TERB1: variants seen among roughly 807,000 people sequenced by gnomAD.
TERB1 encodes the protein telomere repeats-binding bouquet formation protein 1.
Under a neutral mutation model 92.3 loss-of-function variants are expected in TERB1, and 63 were observed. The observed-to-expected ratio is 0.68, with a 90% confidence interval of 0.56 to 0.84. The LOEUF (loss-of-function observed/expected upper bound fraction) is 0.84. Ranked by LOEUF, TERB1 falls within the 40% of genes least tolerant of loss-of-function variation. TERB1 has a pLI of 0.00. For missense variants in TERB1, 709 were observed against 843.7 expected (o/e 0.84, Z 1.98); for synonymous variants, 252 against 283.9 (o/e 0.89, Z 1.13).
At chr16:66,770,403 G>T in intron 13 of TERB1, 94 bp from the exon 14 acceptor site, 1 of 836,306 alleles carries the variant, frequency 1.2e-6, no homozygotes, top group Non-Finnish European at 1.8e-6. Context: ...TGAAGAAAAA[G>T]TTTATGATTG....
intron 14 of TERB1, 27 bp from the exon 15 acceptor site, chr16:66,768,195 TA>T: frequency 1.3e-6 from 2 of 1,485,980 alleles, no homozygotes; most frequent in Non-Finnish European, 1.8e-6. Context: ...ACCAGATTAC[TA>T]AAAGTAAACA....
chr16:66,759,408 C>A, intron 16 of TERB1, 118 bp from the exon 17 acceptor site: 3 of 745,478 alleles, frequency 4.0e-6, no homozygotes, highest in Non-Finnish European at 6.3e-6. Context: ...ATAAACACCT[C>A]AAGAAGCTCA....
chr16:66,794,348 C>T (rs2018890342), intron 3 of TERB1, among the ~76,000 whole-genome samples: 1 of 152,146 alleles, frequency 6.6e-6, no homozygotes, highest in African/African-American at 2.4e-5. Context: ...CATCCTCCCA[C>T]CTCGGCCTCC....
At chr16:66,775,442 T>C (rs552476662) in intron 11 of TERB1, among the ~76,000 whole-genome samples, 199 bp from the exon 12 acceptor site, 2 of 152,168 alleles carry the variant, frequency 1.3e-5, no homozygotes, top group East Asian at 1.9e-4. Flanking sequence ...AAGACCAGCC[T>C]AGTCAACATG....
chr16:66,772,468 C>A (rs2018468180), intron 13 of TERB1, 121 bp downstream of exon 13: 1 of 905,908 alleles, frequency 1.1e-6, no homozygotes, highest in Non-Finnish European at 1.6e-6. Context: ...GGCAACAGAG[C>A]AAGACTCTGT....
intron 5 of TERB1, among the ~76,000 whole-genome samples, chr16:66,790,364 AG>A (rs2018810171): frequency 6.7e-6 from 1 of 149,452 alleles, no homozygotes; most frequent in African/African-American, 2.5e-5. Flanking sequence ...AGAGAGAGAA[AG>A]AAGAAAGGAA....
At chr16:66,783,521 C>A (rs1001737393) in intron 9 of TERB1, among the ~76,000 whole-genome samples, 1 of 152,166 alleles carries the variant, frequency 6.6e-6, no homozygotes, top group South Asian at 2.1e-4. Flanking sequence ...TATTAGCCAA[C>A]AGTTTCTCGT....
chr16:66,756,498 GA>G (rs1298984944), intron 18 of TERB1, among the ~76,000 whole-genome samples: 2 of 152,160 alleles, frequency 1.3e-5, no homozygotes, highest in Non-Finnish European at 2.9e-5. Flanking sequence ...TACTTGTTGA[GA>G]GAAAAAATTT....
Position 66,790,658 on chromosome 16 carries a change from T to C in TERB1, c.208A>G (p.Ser70Gly). ...LMFVKNLAKS[S>G]EHSMVKEAAL... ...GCTTCTTTTACCATGCTATGTTCAC[T>C]TGACTTTGCAAGATTTTTTACAAAC... Residue 70 changes from serine to glycine, a missense_variant, in exon 5 of 19, where the codon AGT (serine) becomes GGT (glycine). Coordinates refer to ENST00000433154, the MANE Select transcript of TERB1 (RefSeq NM_001136505.2). 1 of 1,551,094 alleles carries C rather than the reference T, an allele frequency of 6.4e-7. No individual in the cohort carries two copies. The highest frequency in any genetic ancestry group is 8.7e-7 in the Non-Finnish European group (1 of 1,146,598).
Position 66,770,092 on chromosome 16 carries a change from C to T in TERB1, c.1490G>A (p.Ser497Asn), listed in dbSNP as rs1454286056. The stretch of plus-strand genomic sequence containing the variant: ...GTAACAAGCATGGACTGGATTTGCG[C>T]TCTTTAACGGTGTCTTCATTTGGTC... ...NDDQMKTPLKSANPVHACYRE... is the reference protein window; with the variant it reads ...NDDQMKTPLKNANPVHACYRE... The change falls in exon 14 of 19, where the codon AGC (serine) becomes AAC (asparagine). Residue 497 changes from serine to asparagine, a missense_variant. Physicochemically the swap from Ser to Asn is conservative, Grantham distance 46 (BLOSUM62 1). Coordinates refer to ENST00000433154, the MANE Select transcript of TERB1 (RefSeq NM_001136505.2). 4 of 1,551,880 alleles carry T rather than the reference C, an allele frequency of 2.6e-6. No individual in the cohort carries two copies. Among genetic ancestry groups the T allele is most frequent in the African/African-American group, 2.7e-5 (2 of 73,030 alleles).
chr16:66,792,740 A>G (rs2018856723), intron 3 of TERB1, among the ~76,000 whole-genome samples: 1 of 152,210 alleles, frequency 6.6e-6, no homozygotes, highest in Non-Finnish European at 1.5e-5. Context: ...ATGGACAGCT[A>G]TTGCTCCTAG....
At position 66,770,095 on chromosome 16, in the gene TERB1, T is replaced by G. The variant is rs1320828723; in HGVS notation, c.1487A>C (p.Lys496Thr). 1.3e-6 allele frequency: 2 copies of G among 1,552,000 alleles called. No individual in the cohort carries two copies. The highest frequency in any genetic ancestry group is 1.7e-6 in the Non-Finnish European group (2 of 1,147,078). Reference protein sequence around the residue: ...TNDDQMKTPLKSANPVHACYR... With the variant: ...TNDDQMKTPLTSANPVHACYR... ...ACAAGCATGGACTGGATTTGCGCTC[T>G]TTAACGGTGTCTTCATTTGGTCATC... Residue 496 changes from lysine (K) to threonine (T), a missense_variant, in exon 14 of 19, where the codon AAG (lysine) becomes ACG (threonine). Physicochemically the swap from Lys to Thr is moderately conservative, Grantham distance 78. Transcript: ENST00000433154.
intron 12 of TERB1, among the ~76,000 whole-genome samples, chr16:66,774,094 G>A (rs561015626): frequency 4.1e-4 from 62 of 150,688 alleles, no homozygotes; most frequent in Middle Eastern, 7.2e-3. Context: ...TGTTCGCCAG[G>A]CTGGTCTTGA....
chr16:66,790,804 T>C, intron 4 of TERB1, 81 bp from the exon 5 acceptor site: 1 of 1,462,588 alleles, frequency 6.8e-7, no homozygotes, highest in Non-Finnish European at 9.3e-7. Context: ...AGACGTAACA[T>C]GATATGTAGA....
chr16:66,775,331 T>C (rs2018527911), intron 11 of TERB1, 88 bp from the exon 12 acceptor site: 1 of 1,276,074 alleles, frequency 7.8e-7, no homozygotes. Context: ...ATTATGAACA[T>C]AGTTCAAAAT....
At chr16:66,783,898 T>C (rs1341593282) in intron 9 of TERB1, among the ~76,000 whole-genome samples, 1 of 152,218 alleles carries the variant, frequency 6.6e-6, no homozygotes, top group East Asian at 1.9e-4. Flanking sequence ...GCCCAGCTTG[T>C]GTTAAGGTTT....
chr16:66,777,469 C>G (rs1029185969), intron 10 of TERB1, 135 bp from the exon 11 acceptor site: 201 of 476,582 alleles, frequency 4.2e-4, no homozygotes, highest in Non-Finnish European at 6.4e-4. Flanking sequence ...CATATCATAA[C>G]ATCTAATAAA....
chr16:66,794,348 C>A (rs2018890342), intron 3 of TERB1, among the ~76,000 whole-genome samples: 1 of 152,146 alleles, frequency 6.6e-6, no homozygotes, highest in African/African-American at 2.4e-5. Context: ...CATCCTCCCA[C>A]CTCGGCCTCC....
At chr16:66,758,872 C>T (rs535011268) in intron 17 of TERB1, 34 bp from the exon 18 acceptor site, 38 of 1,356,778 alleles carry the variant, frequency 2.8e-5, no homozygotes, top group Admixed American at 1.7e-4. Context: ...GCACATTTAG[C>T]GTATCAATCT....
Sources: allele counts gnomAD v4.1 joint callset (sites outside exome capture counted in the v4.1 genomes callset), GRCh38; gene constraint gnomAD v4.1.1; transcripts MANE v1.5; gene names NCBI Gene and HGNC (gene_info 2026-07-23, HGNC 2026-07-21).